Variants in ZNF469 observed in about 807,000 individuals in gnomAD.
ZNF469 encodes the protein zinc finger protein 469.
Under a neutral mutation model 1.0 loss-of-function variants are expected in ZNF469, and 1 was observed. That is an observed-to-expected ratio of 1.00 (90% confidence interval 0.35 to 4.73). The LOEUF (loss-of-function observed/expected upper bound fraction) is 4.73. Ranked by LOEUF, ZNF469 falls within the 30% of genes most tolerant of loss-of-function variation. ZNF469 has a pLI of 0.16. For missense variants in ZNF469, 6,100 were observed against 5,356.3 expected (o/e 1.14, Z -4.33); for synonymous variants, 2,703 against 2,363.4 (o/e 1.14, Z -4.17).
chr16:88,276,820 C>T, the ZNF469 span, among the ~76,000 whole-genome samples: 3 of 152,300 alleles, frequency 2.0e-5, no homozygotes, highest in East Asian at 1.9e-4. Flanking sequence ...TGCTGCGCCA[C>T]GCCGACACTT....
At chr16:88,159,933 T>C in the ZNF469 span, among the ~76,000 whole-genome samples, 1 of 152,214 alleles carries the variant, frequency 6.6e-6, no homozygotes. Flanking sequence ...CTCCCCCGTC[T>C]GAACTGGCAG....
chr16:88,173,964 C>A, the ZNF469 span, among the ~76,000 whole-genome samples: 13,042 of 151,972 alleles, frequency 0.086, 672 homozygotes, highest in Admixed American at 0.16. Flanking sequence ...AAATAGAAAA[C>A]AAATAGCAAG....
chr16:88,131,648 G>A, the ZNF469 span, among the ~76,000 whole-genome samples: 1 of 152,250 alleles, frequency 6.6e-6, no homozygotes, highest in African/African-American at 2.4e-5. Context: ...GGCGAGGCAG[G>A]CTGGGGCGCT....
At chr16:88,268,613 G>T in the ZNF469 span, among the ~76,000 whole-genome samples, 7 of 152,214 alleles carry the variant, frequency 4.6e-5, no homozygotes, top group Non-Finnish European at 7.3e-5. Flanking sequence ...AGTGCTTGGT[G>T]CCTCATATCC....
the ZNF469 span, among the ~76,000 whole-genome samples, chr16:88,371,546 T>G: frequency 6.6e-6 from 1 of 152,190 alleles, no homozygotes; most frequent in Non-Finnish European, 1.5e-5. Flanking sequence ...AGTCATGCTT[T>G]GTAGAGGCAG....
chr16:88,435,104 A>G lies in ZNF469; in HGVS notation c.7634A>G (p.Asp2545Gly), dbSNP rs1341658700. The change falls in exon 3 of 3, where the codon GAC becomes GGC. Residue 2545 changes from aspartate to glycine, a missense_variant. By Grantham distance (94) the Asp-to-Gly change is moderately conservative. Transcript: ENST00000565624. Reference protein sequence around the residue: ...GKERPNHSRGDPSHVTQPPPA... With the variant: ...GKERPNHSRGGPSHVTQPPPA... Reference sequence around the variant, plus strand: ...GAGAGACCAAATCACTCACGGGGAGACCCCAGCCACGTCACCCAGCCACCG... The same window carrying G: ...GAGAGACCAAATCACTCACGGGGAGGCCCCAGCCACGTCACCCAGCCACCG... The G allele has an allele frequency of 2.6e-6, 4 of 1,550,074 alleles. No individual in the cohort carries two copies. Among genetic ancestry groups the G allele is most frequent in the Non-Finnish European group, 3.5e-6 (4 of 1,146,944 alleles).
At chr16:88,309,711 G>A in the ZNF469 span, among the ~76,000 whole-genome samples, 4 of 151,316 alleles carry the variant, frequency 2.6e-5, no homozygotes, top group East Asian at 3.9e-4. Flanking sequence ...GCCCTCTGAG[G>A]TGCCCTCTCA....
the ZNF469 span, among the ~76,000 whole-genome samples, chr16:88,175,223 T>G: frequency 5.3e-5 from 8 of 152,292 alleles, no homozygotes; most frequent in Admixed American, 4.6e-4. Context: ...AGATTTAGAT[T>G]GGGTAACTGG....
rs78735939 is a variant in ZNF469, at chr16:88,413,556, C to G, written c.-191-11251C>G. Among the ~76,000 whole-genome samples the G allele has an allele frequency of 9.5e-3, 1,451 of 152,370 alleles. 22 individuals carry two copies. The highest frequency in any genetic ancestry group is 0.032 in the African/African-American group (1,343 of 41,590). On this transcript the variant is annotated intron_variant, in intron 1 of 2. Coordinates refer to ENST00000565624, the MANE Select transcript of ZNF469 (RefSeq NM_001367624.2). ...CCGCCGTCCTGCCTGCCTGTGAACC[C>G]AGGCCTCTGGAGAAGTGATTCCGTC... is the stretch of plus-strand genomic sequence containing the variant.
chr16:88,295,471 C>T, the ZNF469 span, among the ~76,000 whole-genome samples: 6 of 145,178 alleles, frequency 4.1e-5, no homozygotes, highest in South Asian at 2.2e-4. Flanking sequence ...ATGGGGAGGA[C>T]GTCATCTTGG....
At chr16:88,133,697 TTAAC>T in the ZNF469 span, among the ~76,000 whole-genome samples, 1 of 150,356 alleles carries the variant, frequency 6.7e-6, no homozygotes, top group East Asian at 2.0e-4. Context: ...ATTAAATTAA[TTAAC>T]TAACTTAACA....
At chr16:88,306,217 G>A in the ZNF469 span, among the ~76,000 whole-genome samples, 11 of 152,318 alleles carry the variant, frequency 7.2e-5, no homozygotes, top group South Asian at 2.1e-4. Flanking sequence ...GCCAGGCACC[G>A]GACTGTGCTG....
intron 1 of ZNF469, among the ~76,000 whole-genome samples, chr16:88,394,459 A>G (rs907827873): frequency 6.6e-6 from 1 of 152,240 alleles, no homozygotes; most frequent in South Asian, 2.1e-4. Context: ...TCTGGATTTT[A>G]AAAAATTATC....
the ZNF469 span, among the ~76,000 whole-genome samples, chr16:88,227,153 G>A: frequency 6.6e-6 from 1 of 152,036 alleles, no homozygotes; most frequent in South Asian, 2.1e-4. Flanking sequence ...TGCAGCCACT[G>A]CAGGGATCCC....
chr16:88,220,291 A>G, the ZNF469 span, among the ~76,000 whole-genome samples: 1 of 152,200 alleles, frequency 6.6e-6, no homozygotes, highest in South Asian at 2.1e-4. Context: ...AGATTGGAAG[A>G]TACCCAGTGT....
the ZNF469 span, among the ~76,000 whole-genome samples, chr16:88,256,848 C>T: frequency 2.0e-5 from 3 of 151,026 alleles, no homozygotes; most frequent in African/African-American, 4.9e-5. Context: ...TCCTTCCTTT[C>T]TTCCTTCCTT....
the ZNF469 span, among the ~76,000 whole-genome samples, chr16:88,231,199 CTG>C: frequency 6.6e-6 from 1 of 152,250 alleles, no homozygotes; most frequent in Middle Eastern, 3.4e-3. The surrounding 1 kb of genome is among the most constrained non-coding windows in gnomAD (Gnocchi z 4.5). Flanking sequence ...GAAGGCAACA[CTG>C]TTGCCCAAAC....
chr16:88,293,634 T>C, the ZNF469 span, among the ~76,000 whole-genome samples: 72 of 152,358 alleles, frequency 4.7e-4, no homozygotes, highest in Non-Finnish European at 9.0e-4. Context: ...GGCCATTTCT[T>C]CTTTCTAGAA....
the ZNF469 span, among the ~76,000 whole-genome samples, chr16:88,258,237 C>T: frequency 6.6e-6 from 1 of 152,120 alleles, no homozygotes; most frequent in African/African-American, 2.4e-5. Context: ...TGTTAGGGAA[C>T]AGCCACTATG....
Sources: gnomAD v4.1 joint callset for allele counts (sites outside exome capture counted in the v4.1 genomes callset) on GRCh38, gnomAD v4.1.1 for gene constraint, Gnocchi (gnomAD v3.1) non-coding constraint, MANE v1.5 for transcripts, NCBI Gene and HGNC (gene_info 2026-07-23, HGNC 2026-07-21) for gene names.